CTNNA2: variants seen among roughly 807,000 people sequenced by gnomAD.
CTNNA2 encodes the protein catenin alpha 2, also known as catenin alpha-2.
CTNNA2 carries 42 observed loss-of-function variants against 101.0 expected under a neutral mutation model. The ratio of observed to expected loss-of-function variants is 0.42; its 90% CI spans 0.32 to 0.54. The LOEUF (loss-of-function observed/expected upper bound fraction) is 0.54, where lower values mean the gene tolerates loss of function less well. Among genes scored for constraint, CTNNA2 ranks in the 20% least tolerant of loss-of-function variants. CTNNA2 has a pLI of 0.14. For synonymous variants in CTNNA2, 450 were observed against 456.4 expected (o/e 0.99, Z 0.18); for missense variants, 871 against 1,223.1 (o/e 0.71, Z 4.29).
intron 1 of CTNNA2, among the ~76,000 whole-genome samples, chr2:79,568,396 G>A (rs1195501680): frequency 6.6e-6 from 1 of 151,964 alleles, no homozygotes; most frequent in African/African-American, 2.4e-5. Context: ...GAGGTCAGGA[G>A]TTCAAGACCA....
At position 80,646,391 on chromosome 2, in the gene CTNNA2, C is replaced by A. The variant is rs146950587; in HGVS notation, c.2575-1194C>A. On this transcript the variant is annotated intron_variant, in intron 18 of 18. Coordinates refer to ENST00000402739, the MANE Select transcript of CTNNA2 (RefSeq NM_001282597.3). The stretch of plus-strand genomic sequence containing the variant: ...GTTTGATGAAAGATCAGACTATGCT[C>A]AAACATCCCTGAGGCTGGAATGATA... Among the ~76,000 whole-genome samples, 276 of 152,198 alleles carry A rather than the reference C, an allele frequency of 1.8e-3. 1 individual carries two copies. The highest frequency in any genetic ancestry group is 6.3e-3 in the African/African-American group (260 of 41,556).
chr2:80,235,067 A>T (rs971688491), intron 7 of CTNNA2, among the ~76,000 whole-genome samples: 1 of 152,142 alleles, frequency 6.6e-6, no homozygotes, highest in Non-Finnish European at 1.5e-5. Context: ...CCCAATTCTT[A>T]TGTTTATTAA....
At chr2:79,278,672 C>T (rs1348070927) in intron 2 of CTNNA2, among the ~76,000 whole-genome samples, 1 of 152,136 alleles carries the variant, frequency 6.6e-6, no homozygotes, top group Non-Finnish European at 1.5e-5. Flanking sequence ...AGAGCCCCAC[C>T]TCCATCTAAT....
chr2:79,319,953 T>C (rs1220540945), intron 3 of CTNNA2: 1 of 152,200 alleles, frequency 6.6e-6, no homozygotes, highest in Non-Finnish European at 1.5e-5. Context: ...ACATTGATCT[T>C]GATTTATTTT....
chr2:80,198,752 A>C (rs1707005648), intron 7 of CTNNA2, among the ~76,000 whole-genome samples: 1 of 152,160 alleles, frequency 6.6e-6, no homozygotes, highest in East Asian at 1.9e-4. Flanking sequence ...AAGAGGATTT[A>C]TGTTGACTAT....
At chr2:79,559,285 T>C (rs1160182831) in intron 1 of CTNNA2, among the ~76,000 whole-genome samples, 1 of 151,944 alleles carries the variant, frequency 6.6e-6, no homozygotes, top group Non-Finnish European at 1.5e-5. Flanking sequence ...TCTGGCAGTT[T>C]ATGTGAATCA....
rs375901812 is a variant in CTNNA2 at position 80,589,284 on chromosome 2, T to C, written c.2008-20T>C. 43 of 1,611,948 alleles carry C rather than the reference T, an allele frequency of 2.7e-5. No individual in the cohort carries two copies. The African/African-American group carries it at 4.9e-4, about 19-fold the overall frequency. ...CTTCCTTTGTCACCGTCACTCACGCTTTTTCTGTAACCCACGCAGGCCATC... is the reference window on the plus strand; with the variant it reads ...CTTCCTTTGTCACCGTCACTCACGCCTTTTCTGTAACCCACGCAGGCCATC... On this transcript the variant is annotated intron_variant, in intron 14 of 18. Transcript: ENST00000402739.
At chr2:79,406,814 C>T (rs1373724163) in intron 4 of CTNNA2, among the ~76,000 whole-genome samples, 1 of 151,980 alleles carries the variant, frequency 6.6e-6, no homozygotes, top group East Asian at 1.9e-4. Context: ...AGCCATAACT[C>T]AGTGTCTGAG....
chr2:79,575,594 T>C (rs933964813), intron 1 of CTNNA2: 1 of 152,472 alleles, frequency 6.6e-6, no homozygotes, highest in African/African-American at 2.4e-5. Flanking sequence ...TCTATGCCCA[T>C]AGCAGGATCT....
intron 7 of CTNNA2, among the ~76,000 whole-genome samples, chr2:80,260,737 A>C (rs1217164649): frequency 6.6e-6 from 1 of 152,168 alleles, no homozygotes. Context: ...AGCAGAGCCA[A>C]CCCACGTCAC....
At chr2:79,491,669 A>G (rs571376638) in intron 4 of CTNNA2, among the ~76,000 whole-genome samples, 1 of 152,230 alleles carries the variant, frequency 6.6e-6, no homozygotes, top group Admixed American at 6.5e-5. Context: ...TGGACCTATT[A>G]CTAGAACTGC....
intron 7 of CTNNA2, among the ~76,000 whole-genome samples, chr2:80,242,104 T>C (rs1288199135): frequency 6.6e-6 from 1 of 152,188 alleles, no homozygotes; most frequent in Non-Finnish European, 1.5e-5. Flanking sequence ...TTAGATTCTC[T>C]GAATTCCATA....
chr2:80,313,676 G>T (rs1432311385), intron 7 of CTNNA2: 1 of 1,569,704 alleles, frequency 6.4e-7, no homozygotes, highest in Non-Finnish European at 8.7e-7. Context: ...AAGGGGGTAA[G>T]AAAGGAGTGT....
At chr2:80,576,445 A>T (rs926586853) in intron 13 of CTNNA2, 3 of 142,802 alleles carry the variant, frequency 2.1e-5, no homozygotes, top group Non-Finnish European at 4.5e-5. Context: ...TTTTCTGATT[A>T]TCCCCACAAA....
chr2:79,290,727 C>A (rs967730693), intron 2 of CTNNA2, among the ~76,000 whole-genome samples: 7 of 152,140 alleles, frequency 4.6e-5, no homozygotes, highest in African/African-American at 1.4e-4. Flanking sequence ...CAGGGAGAAA[C>A]CATCTTCCCA....
intron 7 of CTNNA2, among the ~76,000 whole-genome samples, chr2:80,311,210 T>A (rs1677545834): frequency 6.6e-6 from 1 of 152,172 alleles, no homozygotes; most frequent in South Asian, 2.1e-4. Context: ...TGCCTTTAAA[T>A]GTTTATTCTA....
At chr2:80,066,889 A>G (rs1371613189) in intron 7 of CTNNA2, among the ~76,000 whole-genome samples, 3 of 152,220 alleles carry the variant, frequency 2.0e-5, no homozygotes, top group African/African-American at 7.2e-5. Context: ...TATATACACA[A>G]TAGAACCTAT....
At chr2:79,241,490 C>G (rs1674625015) in intron 2 of CTNNA2, among the ~76,000 whole-genome samples, 1 of 151,832 alleles carries the variant, frequency 6.6e-6, no homozygotes, top group Non-Finnish European at 1.5e-5. Context: ...ATTGATGAGA[C>G]AAAATTTTAG....
chr2:79,314,211 G>A (rs753389850), intron 3 of CTNNA2, among the ~76,000 whole-genome samples: 5 of 152,124 alleles, frequency 3.3e-5, no homozygotes, highest in Non-Finnish European at 5.9e-5. Flanking sequence ...AGGGATCTCA[G>A]ACTTGTCATT....
Sources: allele counts gnomAD v4.1 joint callset (sites outside exome capture counted in the v4.1 genomes callset), GRCh38; gene constraint gnomAD v4.1.1; transcripts MANE v1.5; gene names NCBI Gene and HGNC (gene_info 2026-07-23, HGNC 2026-07-21).